The following ANKRD44 variants were observed in gnomAD, a reference collection of about 807,000 sequenced individuals.
ANKRD44 encodes the protein serine/threonine-protein phosphatase 6 regulatory ankyrin repeat subunit B.
Under a neutral mutation model 116.0 loss-of-function variants are expected in ANKRD44, and 35 were observed. That is an observed-to-expected ratio of 0.30 (90% confidence interval 0.23 to 0.40). The LOEUF (loss-of-function observed/expected upper bound fraction) is 0.40, where lower values mean the gene tolerates loss of function less well. ANKRD44 is among the 10% of genes least tolerant of loss of function. ANKRD44 has a pLI of 1.00. For missense variants in ANKRD44, 1,014 were observed against 1,242.6 expected (o/e 0.82, Z 2.77); for synonymous variants, 435 against 461.8 (o/e 0.94, Z 0.74).
chr2:196,967,264 C>T (rs1206519880), exon 22 of ANKRD44: 2 of 290,558 alleles, frequency 6.9e-6, no homozygotes, highest in Non-Finnish European at 7.5e-6. Flanking sequence ...GTGCGTGCTT[C>T]CCAATCACAG....
chr2:197,110,230 GC>G (rs1415420454), intron 9 of ANKRD44, among the ~76,000 whole-genome samples: 2 of 152,026 alleles, frequency 1.3e-5, no homozygotes, highest in Admixed American at 1.3e-4. Flanking sequence ...GCCCACCTCG[GC>G]CTCCCAAAGT....
At chr2:197,195,657 C>T (rs939371713) in intron 1 of ANKRD44, among the ~76,000 whole-genome samples, 1 of 152,210 alleles carries the variant, frequency 6.6e-6, no homozygotes, top group Non-Finnish European at 1.5e-5. Flanking sequence ...CCAGGTGAAA[C>T]TGAGGTTACT....
chr2:197,265,318 C>G (rs946841268), intron 1 of ANKRD44, among the ~76,000 whole-genome samples: 6 of 151,446 alleles, frequency 4.0e-5, no homozygotes, highest in African/African-American at 1.5e-4. Flanking sequence ...ATGATCTCAG[C>G]TCACTGCAAC....
intron 16 of ANKRD44, among the ~76,000 whole-genome samples, chr2:197,054,945 G>C (rs1268288931): frequency 6.6e-6 from 1 of 152,154 alleles, no homozygotes; most frequent in East Asian, 1.9e-4. Context: ...TCCATTCCAT[G>C]CTCTTACACT....
intron 9 of ANKRD44, among the ~76,000 whole-genome samples, chr2:197,100,245 A>C (rs1018201615): frequency 7.9e-5 from 12 of 151,880 alleles, no homozygotes; most frequent in African/African-American, 2.9e-4. Flanking sequence ...GACCAGCCTG[A>C]CCAACATGGT....
At chr2:197,073,395 C>T (rs377548836) in intron 16 of ANKRD44, among the ~76,000 whole-genome samples, 229 of 152,284 alleles carry the variant, frequency 1.5e-3, no homozygotes, top group African/African-American at 5.3e-3. Flanking sequence ...GCAGCCTTCC[C>T]GAGTGGGATC....
intron 1 of ANKRD44, among the ~76,000 whole-genome samples, chr2:197,194,373 A>G (rs542016524): frequency 6.6e-6 from 1 of 152,368 alleles, no homozygotes; most frequent in African/African-American, 2.4e-5. Context: ...ATGGGACCTG[A>G]GATTGTAATT....
chr2:197,164,001 G>C (rs1327358148), intron 2 of ANKRD44, among the ~76,000 whole-genome samples: 2 of 152,156 alleles, frequency 1.3e-5, no homozygotes, highest in African/African-American at 2.4e-5. Context: ...GCTTCAGAAA[G>C]TACAAAAAGA....
intron 27 of ANKRD44, among the ~76,000 whole-genome samples, chr2:196,993,304 T>C (rs532236339): frequency 1.3e-5 from 2 of 152,356 alleles, no homozygotes; most frequent in South Asian, 2.1e-4. Context: ...AAACTCTTAG[T>C]GTGTCTAAGA....
intron 8 of ANKRD44, among the ~76,000 whole-genome samples, chr2:197,118,174 C>T (rs1449272484): frequency 1.3e-5 from 2 of 150,548 alleles, no homozygotes; most frequent in Non-Finnish European, 3.0e-5. Context: ...GATCCCACCA[C>T]TGCACTCCAA....
Position 197,001,817 on chromosome 2 carries a change from G to T in ANKRD44, c.2371C>A (p.Leu791Ile), listed in dbSNP as rs2076120809. The T allele has an allele frequency of 6.2e-7, 1 of 1,613,058 alleles. No individual in the cohort carries two copies. Among genetic ancestry groups the T allele is most frequent in the Non-Finnish European group, 8.5e-7 (1 of 1,179,490 alleles). Residue 791 changes from leucine to isoleucine, a missense_variant, in exon 22 of 28, where the codon CTT (leucine) becomes ATT (isoleucine). By Grantham distance (5) the Leu-to-Ile change is conservative (BLOSUM62 2). Transcript: ENST00000282272. ...YNGNENCIEV[L>I]LEQKCFRKFI... ...TTGCGAAAACATTTTTGCTCCAAAAGTACCTCTATACAGTTTTCATTACCT... is the reference window on the plus strand; with the variant it reads ...TTGCGAAAACATTTTTGCTCCAAAATTACCTCTATACAGTTTTCATTACCT...
rs377432630 is a variant in ANKRD44 at position 197,269,100 on chromosome 2, C to A, written c.27+41478G>T. On this transcript the variant is annotated intron_variant, in intron 1 of 27. Coordinates refer to ENST00000282272, the MANE Select transcript of ANKRD44 (RefSeq NM_001195144.2). ...ATGTGTTTTTGTTTTTGTTTTTGATCTGGTTGCTACTCATAGAGTGTATTC... is the reference window on the plus strand; with the variant it reads ...ATGTGTTTTTGTTTTTGTTTTTGATATGGTTGCTACTCATAGAGTGTATTC... Among the ~76,000 whole-genome samples the A allele has an allele frequency of 8.6e-4, 67 of 77,874 alleles. 1 individual carries two copies. Among genetic ancestry groups the A allele is most frequent in the African/African-American group, 2.3e-3 (64 of 28,176 alleles). The allele number at this position is 77,874 out of a possible 152,430, so 51.1% of individuals were successfully genotyped here.
chr2:197,261,395 T>C (rs1209419613), intron 1 of ANKRD44, among the ~76,000 whole-genome samples: 1 of 151,902 alleles, frequency 6.6e-6, no homozygotes, highest in Non-Finnish European at 1.5e-5. Flanking sequence ...TGTAGATATG[T>C]GGAATTATTT....
At chr2:197,243,390 A>G (rs949086668) in intron 1 of ANKRD44, among the ~76,000 whole-genome samples, 1 of 152,180 alleles carries the variant, frequency 6.6e-6, no homozygotes, top group African/African-American at 2.4e-5. Flanking sequence ...GGACAAAAAA[A>G]AAAATGTCTT....
intron 8 of ANKRD44, among the ~76,000 whole-genome samples, chr2:197,113,371 C>T (rs1283059976): frequency 6.6e-6 from 1 of 152,184 alleles, no homozygotes; most frequent in African/African-American, 2.4e-5. Flanking sequence ...CGAGAGAAGG[C>T]AGAAATTGTG....
At chr2:197,179,136 C>T (rs1439804124) in intron 2 of ANKRD44, among the ~76,000 whole-genome samples, 2 of 152,194 alleles carry the variant, frequency 1.3e-5, no homozygotes, top group Admixed American at 1.3e-4. Flanking sequence ...TAATCCTGGA[C>T]TTTCTAGTCT....
intron 1 of ANKRD44, among the ~76,000 whole-genome samples, chr2:197,209,220 G>A (rs1354011138): frequency 6.6e-6 from 1 of 152,136 alleles, no homozygotes; most frequent in African/African-American, 2.4e-5. Context: ...TGACTTCATA[G>A]CAACTCTTAA....
intron 16 of ANKRD44, among the ~76,000 whole-genome samples, chr2:197,049,624 G>C (rs1484884419): frequency 6.6e-6 from 1 of 151,848 alleles, no homozygotes; most frequent in African/African-American, 2.4e-5. Flanking sequence ...TAACCAGATG[G>C]TTTTCTGAAT....
intron 1 of ANKRD44, among the ~76,000 whole-genome samples, chr2:197,271,018 AC>A (rs1342530507): frequency 2.6e-5 from 4 of 152,180 alleles, no homozygotes; most frequent in Admixed American, 2.0e-4. Flanking sequence ...CTGCCCAGGG[AC>A]CTGTGCTGGG....
Sources: allele counts gnomAD v4.1 joint callset (sites outside exome capture counted in the v4.1 genomes callset), GRCh38; gene constraint gnomAD v4.1.1; transcripts MANE v1.5; gene names NCBI Gene and HGNC (gene_info 2026-07-23, HGNC 2026-07-21).